PAX5: variants seen among roughly 807,000 people sequenced by gnomAD.
PAX5 encodes paired box 5.
A neutral mutation model predicts 43.7 loss-of-function variants in PAX5; 9 were observed. The observed-to-expected ratio is 0.21, with a 90% CI of 0.12 to 0.36. The LOEUF is 0.36. Among genes scored for constraint, PAX5 ranks in the 10% least tolerant of loss-of-function variants. The pLI is 1.00. For missense variants in PAX5, 383 were observed against 532.7 expected (o/e 0.72, Z 2.77); for synonymous variants, 228 against 214.3 (o/e 1.06, Z -0.56).
chr9:36,987,630 T>C (rs1836544764), intron 5 of PAX5, among the ~76,000 whole-genome samples: 1 of 152,218 alleles, frequency 6.6e-6, no homozygotes, highest in African/African-American at 2.4e-5. Flanking sequence ...AGGCACAGGC[T>C]CTGCTCGTTC....
chr9:36,921,625 T>C (rs1330793468), intron 7 of PAX5, among the ~76,000 whole-genome samples: 1 of 152,158 alleles, frequency 6.6e-6, no homozygotes, highest in Non-Finnish European at 1.5e-5. Flanking sequence ...ATAAAGTGAG[T>C]TCACTTAGCA....
chr9:36,954,389 T>C (rs1833274527), intron 6 of PAX5, among the ~76,000 whole-genome samples: 1 of 152,228 alleles, frequency 6.6e-6, no homozygotes, highest in Non-Finnish European at 1.5e-5. Flanking sequence ...CTCATATCTT[T>C]CTTATTGAAG....
chr9:36,975,108 T>C (rs920225365), intron 5 of PAX5, among the ~76,000 whole-genome samples: 5 of 152,244 alleles, frequency 3.3e-5, no homozygotes, highest in African/African-American at 1.2e-4. Context: ...GCCACCACTA[T>C]GGCCTGGATT....
chr9:36,893,766 G>A lies in PAX5; in HGVS notation c.911-11661C>T, dbSNP rs549800453. Among the ~76,000 whole-genome samples the A allele has an allele frequency of 4.7e-4, 71 of 152,296 alleles. 1 individual carries two copies. Among genetic ancestry groups the A allele is most frequent in the Admixed American group, 2.9e-3 (44 of 15,302 alleles). On this transcript the variant is annotated intron_variant, in intron 7 of 9. Transcript: ENST00000358127. Reference sequence around the variant, plus strand: ...GGGGTACTTGGTGGAAGGATGAGCCGCCCACTTACAGACGTGCAGAGCCTT... The same window carrying A: ...GGGGTACTTGGTGGAAGGATGAGCCACCCACTTACAGACGTGCAGAGCCTT...
chr9:36,864,053 G>A (rs1824537938), intron 8 of PAX5, among the ~76,000 whole-genome samples: 1 of 152,246 alleles, frequency 6.6e-6, no homozygotes, highest in Non-Finnish European at 1.5e-5. Flanking sequence ...AGGTTGCAGT[G>A]AGCCGAGATT....
At chr9:37,020,032 T>C (rs1361149999) in intron 2 of PAX5, among the ~76,000 whole-genome samples, 4 of 151,760 alleles carry the variant, frequency 2.6e-5, no homozygotes, top group Non-Finnish European at 5.9e-5. Context: ...GTTAGTATTT[T>C]GTTTGCAGCA....
chr9:36,940,790 G>A (rs529422578), intron 6 of PAX5, among the ~76,000 whole-genome samples: 2 of 152,186 alleles, frequency 1.3e-5, no homozygotes, highest in Admixed American at 6.5e-5. Flanking sequence ...CACAAGGGCA[G>A]TGATTTTCAT....
chr9:36,852,665 C>T (rs1257054384), intron 8 of PAX5, among the ~76,000 whole-genome samples: 1 of 152,254 alleles, frequency 6.6e-6, no homozygotes, highest in Non-Finnish European at 1.5e-5. Context: ...CTGACAGTCC[C>T]TCCCGGCATT....
intron 6 of PAX5, among the ~76,000 whole-genome samples, chr9:36,927,625 T>C (rs1234595571): frequency 6.6e-6 from 1 of 151,996 alleles, no homozygotes; most frequent in Non-Finnish European, 1.5e-5. Context: ...CAAACCTCCC[T>C]ATAAGCCAGG....
chr9:36,864,103 T>C (rs1233820951), intron 8 of PAX5, among the ~76,000 whole-genome samples: 2 of 152,212 alleles, frequency 1.3e-5, no homozygotes, highest in African/African-American at 2.4e-5. Context: ...AGCGAGACTC[T>C]GTCTCCCCCC....
At chr9:36,877,296 C>A (rs1349593511) in intron 8 of PAX5, among the ~76,000 whole-genome samples, 5 of 152,230 alleles carry the variant, frequency 3.3e-5, no homozygotes, top group Non-Finnish European at 7.3e-5. Flanking sequence ...GATCGCACCA[C>A]TGCACTCCAG....
chr9:36,891,451 G>A (rs1827372362), intron 7 of PAX5, among the ~76,000 whole-genome samples: 1 of 152,232 alleles, frequency 6.6e-6, no homozygotes, highest in Admixed American at 6.5e-5. Context: ...CGTTCCAGCT[G>A]GTGTTGGAAA....
intron 7 of PAX5, among the ~76,000 whole-genome samples, chr9:36,887,596 A>C (rs4284107): frequency 6.6e-6 from 1 of 151,934 alleles, no homozygotes; most frequent in Non-Finnish European, 1.5e-5. Context: ...AAGACTTTCT[A>C]ACTATGATTT....
intron 5 of PAX5, among the ~76,000 whole-genome samples, chr9:36,983,171 C>T (rs748894966): frequency 4.3e-4 from 66 of 152,312 alleles, no homozygotes; most frequent in Non-Finnish European, 7.8e-4. Flanking sequence ...TTTTCATTTA[C>T]ACTAACTTTT....
intron 6 of PAX5, chr9:36,930,980 C>T (rs781738656): frequency 4.0e-5 from 24 of 593,484 alleles, no homozygotes; most frequent in Middle Eastern, 3.2e-4. Flanking sequence ...AACACAGACA[C>T]GTGAGAAGGA....
intron 5 of PAX5, among the ~76,000 whole-genome samples, chr9:37,000,318 G>T (rs1246746703): frequency 6.6e-6 from 1 of 152,072 alleles, no homozygotes; most frequent in East Asian, 1.9e-4. Flanking sequence ...GATTGGGTTT[G>T]TCCCCCACTC....
intron 7 of PAX5, chr9:36,923,064 C>A: frequency 2.7e-6 from 1 of 364,066 alleles, no homozygotes; most frequent in Admixed American, 4.2e-5. Flanking sequence ...CTCAGCCCCA[C>A]CCACGGGGGC....
At chr9:36,841,973 C>A (rs905196788) in intron 9 of PAX5, among the ~76,000 whole-genome samples, 1 of 152,110 alleles carries the variant, frequency 6.6e-6, no homozygotes, top group Non-Finnish European at 1.5e-5. Context: ...GTAGGGGTGA[C>A]ACTTTGGGAT....
At chr9:37,009,572 T>C (rs1838753929) in intron 3 of PAX5, among the ~76,000 whole-genome samples, 1 of 152,024 alleles carries the variant, frequency 6.6e-6, no homozygotes, top group Non-Finnish European at 1.5e-5. Context: ...AGATGCTCAA[T>C]GGGTGCAAAA....
Sources: gnomAD v4.1 joint callset for allele counts (sites outside exome capture counted in the v4.1 genomes callset) on GRCh38, gnomAD v4.1.1 for gene constraint, MANE v1.5 for transcripts, NCBI Gene and HGNC (gene_info 2026-07-23, HGNC 2026-07-21) for gene names.